CDH4: variants seen among roughly 807,000 people sequenced by gnomAD.
The protein encoded by CDH4 is cadherin-4.
In CDH4, 33 loss-of-function variants were observed where a neutral mutation model predicts 86.0. The ratio of observed to expected loss-of-function variants is 0.38; its 90% CI spans 0.29 to 0.51. The LOEUF is 0.51. Ranked by LOEUF, CDH4 falls within the 20% of genes least tolerant of loss-of-function variation. The pLI, the probability that CDH4 is intolerant of heterozygous loss-of-function variation, is 0.86. For missense variants in CDH4, 1,114 were observed against 1,307.4 expected (o/e 0.85, Z 2.28); for synonymous variants, 555 against 549.4 (o/e 1.01, Z -0.14).
At chr20:61,342,573 A>G (rs954296432) in intron 2 of CDH4, among the ~76,000 whole-genome samples, 52 of 152,346 alleles carry the variant, frequency 3.4e-4, no homozygotes, top group African/African-American at 1.2e-3. Flanking sequence ...AGCTGTAAAT[A>G]CAGAGGACGC....
intron 2 of CDH4, among the ~76,000 whole-genome samples, chr20:61,506,189 G>A (rs1403900712): frequency 6.6e-6 from 1 of 152,236 alleles, no homozygotes; most frequent in Non-Finnish European, 1.5e-5. Flanking sequence ...GTTAGGAAAC[G>A]TATGCATTCG....
chr20:61,532,646 C>A (rs1036701269), intron 2 of CDH4, among the ~76,000 whole-genome samples: 2 of 152,166 alleles, frequency 1.3e-5, no homozygotes, highest in African/African-American at 4.8e-5. Flanking sequence ...TAAAAGCAAA[C>A]CAAAGCACCA....
chr20:61,711,730 T>C (rs369605309), intron 2 of CDH4, among the ~76,000 whole-genome samples: 13 of 152,310 alleles, frequency 8.5e-5, no homozygotes, highest in African/African-American at 2.4e-4. Flanking sequence ...TTATTCTGCC[T>C]GCCCTGGGGG....
In CDH4 at chr20:61,852,819, C is replaced by T. The variant is rs771404760; in HGVS notation, c.798C>T (p.Tyr266=). The T allele has an allele frequency of 1.2e-5, 19 of 1,613,954 alleles. No homozygotes were observed. Among genetic ancestry groups the T allele is most frequent in the Admixed American group, 3.3e-5 (2 of 60,016 alleles). The change falls in exon 6 of 16, where the codon TAC becomes TAT. Residue 266 remains tyrosine, a synonymous_variant. Coordinates refer to ENST00000614565, the MANE Select transcript of CDH4 (RefSeq NM_001794.5). The part of the protein sequence containing the change: ...KVENPIDLYI[Y]VIDMNDNRPE... ...AGAACCCCATCGACCTGTACATCTA[C>T]GTCATCGACATGAATGACAACCGCC...
chr20:61,565,313 GTGGCGGTGCTC>G (rs2086280840), intron 2 of CDH4, among the ~76,000 whole-genome samples: 2 of 39,882 alleles, frequency 5.0e-5, no homozygotes, highest in Non-Finnish European at 9.7e-5. Flanking sequence ...GCTCTTGGTG[GTGGCGGTGCTC>G]TTGGTGATGG....
chr20:61,795,993 A>G (rs1979515817), intron 4 of CDH4, among the ~76,000 whole-genome samples: 1 of 151,994 alleles, frequency 6.6e-6, no homozygotes, highest in East Asian at 1.9e-4. Flanking sequence ...ACCTTAATCC[A>G]TGCTTCCCCT....
intron 2 of CDH4, among the ~76,000 whole-genome samples, chr20:61,661,896 C>T (rs1382280613): frequency 6.6e-6 from 1 of 152,154 alleles, no homozygotes; most frequent in Non-Finnish European, 1.5e-5. Flanking sequence ...TATTGTGCCG[C>T]GGTCCTGTAA....
chr20:61,425,990 TC>T (rs2085213394), intron 2 of CDH4, among the ~76,000 whole-genome samples: 1 of 152,244 alleles, frequency 6.6e-6, no homozygotes, highest in Non-Finnish European at 1.5e-5. Flanking sequence ...GTTTCTTAAG[TC>T]AGGGCAGTTC....
chr20:61,256,676 A>G (rs2084099658), intron 2 of CDH4, among the ~76,000 whole-genome samples: 2 of 151,926 alleles, frequency 1.3e-5, no homozygotes, highest in South Asian at 4.2e-4. Context: ...GTGTGGACTC[A>G]TTTTCCAAGT....
At chr20:61,411,665 G>A (rs2085120479) in intron 2 of CDH4, among the ~76,000 whole-genome samples, 1 of 152,124 alleles carries the variant, frequency 6.6e-6, no homozygotes, top group South Asian at 2.1e-4. Flanking sequence ...TCTCTCTGAT[G>A]CAGAGCAGGA....
chr20:61,515,259 C>T (rs1600723126), intron 2 of CDH4, among the ~76,000 whole-genome samples: 1 of 152,242 alleles, frequency 6.6e-6, no homozygotes, highest in Admixed American at 6.5e-5. Context: ...TGTGTGGTCA[C>T]CCTCACGATG....
At chr20:61,678,785 C>T (rs1204356470) in intron 2 of CDH4, among the ~76,000 whole-genome samples, 1 of 152,170 alleles carries the variant, frequency 6.6e-6, no homozygotes, top group Non-Finnish European at 1.5e-5. Flanking sequence ...TCCCTGCCTC[C>T]AGCCTCCCAT....
In CDH4 at chr20:61,397,516, G is replaced by A. The variant is rs1022055275; in HGVS notation, c.169+142579G>A. ...CCTAGAATCACCTTGATACGCCGTC[G>A]AGACCGAACTTGAAACCTGGGTCTT... On this transcript the variant is annotated intron_variant, in intron 2 of 15. Coordinates refer to ENST00000614565, the MANE Select transcript of CDH4 (RefSeq NM_001794.5). Among the ~76,000 whole-genome samples, 3 of 151,720 alleles carry A rather than the reference G, an allele frequency of 2.0e-5. 1 individual carries two copies. The highest frequency in any genetic ancestry group is 2.0e-4 in the Admixed American group (3 of 15,208).
intron 4 of CDH4, among the ~76,000 whole-genome samples, chr20:61,785,655 G>A (rs569949390): frequency 5.4e-4 from 82 of 151,830 alleles, no homozygotes; most frequent in Non-Finnish European, 9.4e-4. Flanking sequence ...CAGGTGTGTA[G>A]AGCCCCCACC....
intron 2 of CDH4, among the ~76,000 whole-genome samples, chr20:61,562,469 G>A (rs900943105): frequency 6.6e-6 from 1 of 152,188 alleles, no homozygotes; most frequent in Non-Finnish European, 1.5e-5. Flanking sequence ...CGTGTGCAGA[G>A]GTGGTTTGTC....
intron 2 of CDH4, among the ~76,000 whole-genome samples, chr20:61,509,280 T>C (rs1434130243): frequency 1.3e-5 from 2 of 151,772 alleles, no homozygotes; most frequent in African/African-American, 4.8e-5. Flanking sequence ...GCGCCTAAAC[T>C]ATGCCTCCTG....
At chr20:61,928,012 T>C (rs2055063499) in intron 11 of CDH4, among the ~76,000 whole-genome samples, 178 bp from the exon 12 acceptor site, 1 of 152,218 alleles carries the variant, frequency 6.6e-6, no homozygotes, top group African/African-American at 2.4e-5. Context: ...GGCTGGACTG[T>C]GGGTCAGTCC....
At chr20:61,322,365 C>G (rs2084513573) in intron 2 of CDH4, among the ~76,000 whole-genome samples, 1 of 152,240 alleles carries the variant, frequency 6.6e-6, no homozygotes, top group African/African-American at 2.4e-5. Context: ...GAGGTGCCGG[C>G]ATCAGGATCC....
At chr20:61,472,272 T>G (rs2085508648) in intron 2 of CDH4, among the ~76,000 whole-genome samples, 1 of 152,220 alleles carries the variant, frequency 6.6e-6, no homozygotes, top group African/African-American at 2.4e-5. Context: ...CTTTGTCTCT[T>G]CTTATACTTT....
Sources: gnomAD v4.1 joint callset for allele counts (sites outside exome capture counted in the v4.1 genomes callset) on GRCh38, gnomAD v4.1.1 for gene constraint, MANE v1.5 for transcripts, NCBI Gene and HGNC (gene_info 2026-07-23, HGNC 2026-07-21) for gene names.